Variants in GPR26 observed in about 807,000 individuals in gnomAD.
GPR26 encodes the protein G protein-coupled receptor 26.
Under a neutral mutation model 23.1 loss-of-function variants are expected in GPR26, and 15 were observed. That is an observed-to-expected ratio of 0.65 (90% CI 0.43 to 1.00). GPR26 has a LOEUF of 1.00. Ranked by LOEUF, GPR26 falls within the 50% of genes least tolerant of loss-of-function variation. GPR26 has a pLI of 0.00. For missense variants in GPR26, 359 were observed against 470.5 expected (o/e 0.76, Z 2.19); for synonymous variants, 228 against 222.1 (o/e 1.03, Z -0.24).
intron 1 of GPR26, 77 bp downstream of exon 1, chr10:123,667,152 G>T: frequency 9.0e-7 from 1 of 1,108,344 alleles, no homozygotes; most frequent in Non-Finnish European, 1.3e-6. Flanking sequence ...TAGCCCCAGG[G>T]GCTCTTTTCC....
intron 2 of GPR26, among the ~76,000 whole-genome samples, chr10:123,687,629 C>A (rs576656250): frequency 5.9e-4 from 88 of 149,930 alleles, no homozygotes; most frequent in Non-Finnish European, 1.1e-3. Context: ...AAGTATCTAA[C>A]CTCCTGGGAC....
intron 1 of GPR26, among the ~76,000 whole-genome samples, chr10:123,669,397 C>T (rs1845225732): frequency 6.6e-6 from 1 of 152,220 alleles, no homozygotes; most frequent in South Asian, 2.1e-4. Flanking sequence ...CAGCACTAAA[C>T]TCTTCCTCCC....
chr10:123,667,572 TG>T (rs1463826631), intron 1 of GPR26, among the ~76,000 whole-genome samples: 2 of 148,608 alleles, frequency 1.3e-5, no homozygotes, highest in African/African-American at 5.0e-5. Flanking sequence ...TGTGTGTGTG[TG>T]TGTGTGTGTG....
chr10:123,673,747 G>T (rs2133923780), intron 1 of GPR26, among the ~76,000 whole-genome samples: 1 of 152,286 alleles, frequency 6.6e-6, no homozygotes, highest in Admixed American at 6.5e-5. Flanking sequence ...AAGAAGTGGA[G>T]GAAAGGAAGC....
Position 123,666,980 on chromosome 10 carries a change from G to GT in GPR26, c.574dup (p.Tyr192LeufsTer146). On this transcript the variant is annotated frameshift_variant, in exon 1 of 3. Coordinates refer to ENST00000284674, the MANE Select transcript of GPR26 (RefSeq NM_153442.4). LOFTEE classifies it high-confidence loss of function. ...TCTCCTTCGTCGTGCTCTGCTGCAC[G>GT]TACCTCAAGGTGCTCAAGGTGGCCC... The GT allele has an allele frequency of 6.2e-7, 1 of 1,613,604 alleles. No individual in the cohort carries two copies. Among genetic ancestry groups the GT allele is most frequent in the Non-Finnish European group, 8.5e-7 (1 of 1,179,840 alleles).
At position 123,668,119 on chromosome 10, in the gene GPR26, C is replaced by A. The variant is rs185977383; in HGVS notation, c.668+1044C>A. 1.7e-3 allele frequency among the ~76,000 whole-genome samples: 252 copies of A among 152,210 alleles called. 1 individual carries two copies. Among genetic ancestry groups the A allele is most frequent in the African/African-American group, 5.8e-3 (243 of 41,548 alleles). ...TCTGACAGGGCCAGCGAGGGCCTTC[C>A]GTGTGGGAGAACCCTGGGAACCCAG... On this transcript the variant is annotated intron_variant, in intron 1 of 2. Transcript: ENST00000284674.
intron 2 of GPR26, among the ~76,000 whole-genome samples, chr10:123,682,275 C>T (rs56332932): frequency 6.6e-6 from 1 of 152,264 alleles, no homozygotes; most frequent in African/African-American, 2.4e-5. Context: ...CTGGAGTTCC[C>T]AAGAGACCAT....
At chr10:123,683,496 C>T (rs1845400466) in intron 2 of GPR26, among the ~76,000 whole-genome samples, 1 of 152,226 alleles carries the variant, frequency 6.6e-6, no homozygotes, top group South Asian at 2.1e-4. Context: ...CATTGTGGAG[C>T]AAGATCAGGA....
chr10:123,667,759 C>G (rs915412118), intron 1 of GPR26, among the ~76,000 whole-genome samples: 1 of 152,104 alleles, frequency 6.6e-6, no homozygotes, highest in African/African-American at 2.4e-5. Flanking sequence ...GCTCCTGGGG[C>G]TGAATCTGCC....
chr10:123,683,899 C>T (rs556481266), intron 2 of GPR26, among the ~76,000 whole-genome samples: 46 of 152,322 alleles, frequency 3.0e-4, no homozygotes, highest in African/African-American at 9.9e-4. Context: ...ACAAGCTCTG[C>T]GCCCTGCAGC....
At chr10:123,672,133 T>C (rs1845258860) in intron 1 of GPR26, among the ~76,000 whole-genome samples, 1 of 152,120 alleles carries the variant, frequency 6.6e-6, no homozygotes, top group Non-Finnish European at 1.5e-5. Context: ...ATCCTTTTCT[T>C]TTGGAAGATT....
At position 123,674,940 on chromosome 10, in the gene GPR26, G is replaced by A; in HGVS notation, c.782+9G>A. 6.5e-7 allele frequency: 1 copy of A among 1,548,814 alleles called. No individual in the cohort carries two copies. The highest frequency in any genetic ancestry group is 8.9e-7 in the Non-Finnish European group (1 of 1,121,860). The stretch of plus-strand genomic sequence containing the variant: ...CCCTATGTGATCACCAGGTGAGCCT[G>A]ATTGGCAGGTGTGTCTTGGGACTTT... On this transcript the variant is annotated intron_variant, in intron 2 of 2. Transcript: ENST00000284674. This position sits in a 1 kb window ranked among gnomAD's most constrained non-coding sequence, Gnocchi z 4.1.
chr10:123,672,049 G>A (rs1441956031), intron 1 of GPR26, among the ~76,000 whole-genome samples: 2 of 152,168 alleles, frequency 1.3e-5, no homozygotes, highest in Non-Finnish European at 2.9e-5. Flanking sequence ...GGATGGCTCT[G>A]CCTTGCTCAC....
intron 2 of GPR26, among the ~76,000 whole-genome samples, chr10:123,675,487 T>C (rs1845293938): frequency 6.6e-6 from 1 of 152,134 alleles, no homozygotes. Context: ...TGAGGCTTGT[T>C]GTGTTCTCTA....
rs1845530807 is a variant in GPR26 at position 123,695,241 on chromosome 10, T to C, written c.*7081T>C. On this transcript the variant is annotated 3_prime_UTR_variant, in exon 3 of 3. Transcript: ENST00000284674. ...CCATATTTAAGGACTTTTAAAGTAA[T>C]TTGGATTTTTAACTCAAAAGACGAT... is the stretch of plus-strand genomic sequence containing the variant. Among the ~76,000 whole-genome samples the C allele has an allele frequency of 6.6e-6, 1 of 152,196 alleles. No homozygotes were observed. The highest frequency in any genetic ancestry group is 6.5e-5 in the Admixed American group (1 of 15,288).
chr10:123,666,613 C>T lies in GPR26; in HGVS notation c.206C>T (p.Ala69Val), dbSNP rs1267564235. 1.3e-6 allele frequency: 2 copies of T among 1,589,926 alleles called. No homozygotes were observed. Among genetic ancestry groups the T allele is most frequent in the Non-Finnish European group, 1.7e-6 (2 of 1,171,406 alleles). ...CCGCTCACGCTGGCCGGCGTCGTGGCGCAGCGGCAGCCGGCGGGCGACCGC... is the reference window on the plus strand; with the variant it reads ...CCGCTCACGCTGGCCGGCGTCGTGGTGCAGCGGCAGCCGGCGGGCGACCGC... ...NMPLTLAGVV[A>V]QRQPAGDRLC... Residue 69 changes from alanine (A) to valine (V), a missense_variant, in exon 1 of 3, where the codon GCG becomes GTG. Ala to Val is a moderately conservative substitution (Grantham distance 64). Transcript: ENST00000284674.
Position 123,696,159 on chromosome 10 carries a change from G to A in GPR26, c.*7999G>A, listed in dbSNP as rs117529853. Among the ~76,000 whole-genome samples, 297 of 152,274 alleles carry A rather than the reference G, an allele frequency of 2.0e-3. No homozygotes were observed. Among genetic ancestry groups the A allele is most frequent in the Non-Finnish European group, 3.2e-3 (216 of 68,016 alleles). ...ATCTCTCCTTCTGCCATAGTATGTCGTGTGTAGTGGATGCCAGTAGACAAC... is the reference window on the plus strand; with the variant it reads ...ATCTCTCCTTCTGCCATAGTATGTCATGTGTAGTGGATGCCAGTAGACAAC... On this transcript the variant is annotated 3_prime_UTR_variant, in exon 3 of 3. Coordinates refer to ENST00000284674, the MANE Select transcript of GPR26 (RefSeq NM_153442.4).
At chr10:123,682,480 C>G (rs567783681) in intron 2 of GPR26, among the ~76,000 whole-genome samples, 2 of 152,314 alleles carry the variant, frequency 1.3e-5, no homozygotes, top group East Asian at 3.9e-4. Flanking sequence ...CACACAGGCT[C>G]TGTGTCCTCA....
intron 2 of GPR26, among the ~76,000 whole-genome samples, chr10:123,680,820 GT>G (rs202197972): frequency 3.0e-5 from 1 of 33,382 alleles, no homozygotes; most frequent in African/African-American, 1.2e-4. Flanking sequence ...GTTTTGTTTT[GT>G]TTTTTTGGGG....
Sources: gnomAD v4.1 joint callset for allele counts (sites outside exome capture counted in the v4.1 genomes callset) on GRCh38, gnomAD v4.1.1 for gene constraint, Gnocchi (gnomAD v3.1) non-coding constraint, MANE v1.5 for transcripts, NCBI Gene and HGNC (gene_info 2026-07-23, HGNC 2026-07-21) for gene names.